RNF38: variants seen among roughly 807,000 people sequenced by gnomAD.
The protein encoded by RNF38 is ring finger protein 38, also known as E3 ubiquitin-protein ligase RNF38.
RNF38 carries 15 observed loss-of-function variants against 67.2 expected under a neutral mutation model. That is an observed-to-expected ratio of 0.22 (90% CI 0.15 to 0.34). The LOEUF (loss-of-function observed/expected upper bound fraction) is 0.34, where lower values mean the gene tolerates loss of function less well. Among genes scored for constraint, RNF38 ranks in the 10% least tolerant of loss-of-function variants. The pLI is 1.00. For missense variants in RNF38, 524 were observed against 639.9 expected, an observed-to-expected ratio of 0.82 and a Z score of 1.95; for synonymous variants, 220 against 218.8, an observed-to-expected ratio of 1.01 and a Z score of -0.05.
At chr9:36,486,894 G>C (rs1840426462) in intron 1 of RNF38, among the ~76,000 whole-genome samples, 1 of 152,086 alleles carries the variant, frequency 6.6e-6, no homozygotes, top group Admixed American at 6.5e-5. Context: ...TGTCTCCCTC[G>C]GCTCCTGGGG....
At chr9:36,434,692 A>G (rs1839022251) in intron 1 of RNF38, among the ~76,000 whole-genome samples, 1 of 152,306 alleles carries the variant, frequency 6.6e-6, no homozygotes, top group Middle Eastern at 3.4e-3. Flanking sequence ...CCCAGCCTAC[A>G]TGTAACTTTT....
chr9:36,483,367 C>G (rs1194480032), intron 1 of RNF38, among the ~76,000 whole-genome samples: 1 of 149,358 alleles, frequency 6.7e-6, no homozygotes, highest in African/African-American at 2.6e-5. Context: ...GCCTGGGCAA[C>G]AAGAGCGAAA....
chr9:36,460,432 G>C (rs1025921632), intron 1 of RNF38, among the ~76,000 whole-genome samples: 2 of 152,128 alleles, frequency 1.3e-5, no homozygotes, highest in African/African-American at 4.8e-5. Context: ...CATTAAGTGT[G>C]TGTGTGCAAG....
intron 1 of RNF38, among the ~76,000 whole-genome samples, chr9:36,393,699 G>A (rs1238845933): frequency 6.6e-6 from 1 of 152,144 alleles, no homozygotes; most frequent in East Asian, 1.9e-4. Context: ...AAGATTCCAA[G>A]TAAGGTGAAT....
At chr9:36,429,235 T>C (rs771886367) in intron 1 of RNF38, among the ~76,000 whole-genome samples, 1 of 152,222 alleles carries the variant, frequency 6.6e-6, no homozygotes, top group African/African-American at 2.4e-5. Context: ...AAGAATCCCA[T>C]TGCCTTCTTC....
At chr9:36,400,773 C>A (rs916281819), upstream of RNF38, 7 of 985,616 alleles carry the variant, frequency 7.1e-6, no homozygotes, top group Non-Finnish European at 8.4e-6. Flanking sequence ...GACGGCTGCA[C>A]GCCCAGAGAT....
intron 10 of RNF38, among the ~76,000 whole-genome samples, chr9:36,343,140 T>C (rs1832969363): frequency 3.3e-5 from 5 of 152,224 alleles, no homozygotes; most frequent in Admixed American, 3.3e-4. Flanking sequence ...TTATTTTCTA[T>C]TTTTATTTTT....
intron 1 of RNF38, among the ~76,000 whole-genome samples, chr9:36,443,819 A>T (rs1564065321): frequency 6.6e-6 from 1 of 152,192 alleles, no homozygotes; most frequent in Non-Finnish European, 1.5e-5. Context: ...AGAAAACAGG[A>T]GGTTACGGAT....
rs539919168 is a variant in RNF38 at position 36,438,137 on chromosome 9, A to G, written n.242-13454T>C. Among the ~76,000 whole-genome samples, 6 of 152,194 alleles carry G rather than the reference A, an allele frequency of 3.9e-5. No individual in the cohort carries two copies. In the South Asian group the frequency reaches 1.2e-3, roughly 32 times the overall value. ...TTTATTTTTTGCAGAGACAGGGTCT[A>G]TGTTGCCCAGGCTGGTCTCCCAACT... On this transcript the variant is annotated intron_variant and non_coding_transcript_variant, in intron 1 of 3. Coordinates refer to the RNF38 transcript ENST00000488058.
chr9:36,367,862 A>G (rs1554682288), intron 4 of RNF38, among the ~76,000 whole-genome samples: 2 of 152,098 alleles, frequency 1.3e-5, no homozygotes, highest in Non-Finnish European at 2.9e-5. Flanking sequence ...AGATGTTTTT[A>G]TTTTTTTGAG....
At chr9:36,380,064 T>A (rs1299981343) in intron 2 of RNF38, among the ~76,000 whole-genome samples, 2 of 152,244 alleles carry the variant, frequency 1.3e-5, no homozygotes, top group Non-Finnish European at 1.5e-5. Flanking sequence ...GCATGAAAGA[T>A]CACTACTGTA....
intron 1 of RNF38, among the ~76,000 whole-genome samples, chr9:36,399,345 A>G (rs1046897031): frequency 6.6e-6 from 1 of 152,032 alleles, no homozygotes; most frequent in African/African-American, 2.4e-5. Context: ...TCTGTGGCAG[A>G]ACTTATTCAA....
chr9:36,346,040 A>T (rs1472383373), intron 9 of RNF38, among the ~76,000 whole-genome samples: 1 of 152,246 alleles, frequency 6.6e-6, no homozygotes, highest in Non-Finnish European at 1.5e-5. Context: ...GCAAAACAGT[A>T]ATATTCTTAT....
chr9:36,390,292 CATT>C (rs1220619211), intron 2 of RNF38, among the ~76,000 whole-genome samples, 172 bp downstream of exon 2: 7 of 152,132 alleles, frequency 4.6e-5, no homozygotes, highest in African/African-American at 4.8e-5. Flanking sequence ...AGAAGACAAA[CATT>C]AGTCAGAAAA....
chr9:36,337,367 C>A lies in RNF38; in HGVS notation c.*2385G>T, dbSNP rs1281134053. 1 of 152,914 alleles carries A rather than the reference C, an allele frequency of 6.5e-6. No homozygotes were observed. 9.5% of individuals were successfully genotyped at this position (152,914 alleles called of 1,614,324 possible). On this transcript the variant is annotated 3_prime_UTR_variant, in exon 12 of 12. Coordinates refer to ENST00000259605, the MANE Select transcript of RNF38 (RefSeq NM_022781.5). ...AACGAAATTCAAGATTTGACCAAAACAGACCCTGCTGCCTCCTAAATTGCC... is the reference window on the plus strand; with the variant it reads ...AACGAAATTCAAGATTTGACCAAAAAAGACCCTGCTGCCTCCTAAATTGCC...
At chr9:36,458,751 A>C (rs1473630299) in intron 1 of RNF38, among the ~76,000 whole-genome samples, 1 of 152,240 alleles carries the variant, frequency 6.6e-6, no homozygotes, top group Non-Finnish European at 1.5e-5. Flanking sequence ...TTCATTCTTG[A>C]AATCAAGAAC....
chr9:36,352,025 C>T (rs1833730032), intron 8 of RNF38, among the ~76,000 whole-genome samples: 1 of 152,104 alleles, frequency 6.6e-6, no homozygotes, highest in Non-Finnish European at 1.5e-5. Context: ...ACTGGCAGGG[C>T]GCAGTGGCTC....
exon 1 of RNF38, chr9:36,487,522 G>A (rs1489406062): frequency 1.2e-5 from 12 of 980,912 alleles, no homozygotes; most frequent in Admixed American, 6.4e-5. Flanking sequence ...CTGCTGAGGC[G>A]GCGGCGGCAG....
chr9:36,394,310 A>C (rs949429126), intron 1 of RNF38, among the ~76,000 whole-genome samples: 1 of 152,156 alleles, frequency 6.6e-6, no homozygotes. Flanking sequence ...AGCTCCTGCA[A>C]GGTAAGACCC....
Sources: allele counts gnomAD v4.1 joint callset (sites outside exome capture counted in the v4.1 genomes callset), GRCh38; gene constraint gnomAD v4.1.1; transcripts MANE v1.5; gene names NCBI Gene and HGNC (gene_info 2026-07-23, HGNC 2026-07-21).